OR4D10: variants seen among roughly 807,000 people sequenced by gnomAD.
The protein encoded by OR4D10 is olfactory receptor 4D10.
For missense variants in OR4D10, 395 were observed against 378.0 expected (o/e 1.04, Z -0.37); for synonymous variants, 188 against 153.2 (o/e 1.23, Z -1.68).
chr11:59,475,552 GTTTAT>G (rs1858896468), intron 2 of OR4D10, among the ~76,000 whole-genome samples: 1 of 152,168 alleles, frequency 6.6e-6, no homozygotes, highest in Non-Finnish European at 1.5e-5. Context: ...GCACTTACAT[GTTTAT>G]ATTTTCCATC....
In OR4D10 at chr11:59,477,514, C is replaced by A; in HGVS notation, c.85C>A (p.Leu29Ile). The A allele has an allele frequency of 6.2e-7, 1 of 1,613,914 alleles. No individual in the cohort carries two copies. The highest frequency in any genetic ancestry group is 1.1e-5 in the South Asian group (1 of 91,010). ...QNREVSLVLF[L>I]FLLLVYVTTL... is the part of the protein sequence containing the mutation. ...TCGGGAAGTGAGCTTAGTCTTATTT[C>A]TTTTCCTACTCTTGGTGTATGTGAC... is the stretch of plus-strand genomic sequence containing the variant. Residue 29 changes from leucine (L) to isoleucine (I), a missense_variant, in exon 3 of 3, where the codon CTT becomes ATT. Transcript: ENST00000530162.
chr11:59,478,244 C>A lies in OR4D10; in HGVS notation c.815C>A (p.Ser272Tyr). Residue 272 changes from serine to tyrosine, a missense_variant, in exon 3 of 3, where the codon TCT (serine) becomes TAT (tyrosine). Coordinates refer to ENST00000530162, the MANE Select transcript of OR4D10 (RefSeq NM_001004705.2). ...FTALPMDKAI[S>Y]VTFTVISPLL... The stretch of plus-strand genomic sequence containing the variant: ...GCCCTCCCCATGGATAAGGCCATCT[C>A]TGTCACCTTCACTGTCATCTCCCCT... 6.2e-7 allele frequency: 1 copy of A among 1,614,056 alleles called. No individual in the cohort carries two copies. The highest frequency in any genetic ancestry group is 8.5e-7 in the Non-Finnish European group (1 of 1,180,012).
intron 2 of OR4D10, among the ~76,000 whole-genome samples, chr11:59,474,894 A>C (rs1403102565): frequency 2.3e-5 from 1 of 43,254 alleles, no homozygotes; most frequent in African/African-American, 4.1e-5. Flanking sequence ...GTCTCTACTA[A>C]AAATACAAAA....
intron 2 of OR4D10, among the ~76,000 whole-genome samples, chr11:59,474,859 A>G (rs547811038): frequency 1.9e-3 from 285 of 151,114 alleles, no homozygotes; most frequent in Admixed American, 3.0e-3. Context: ...GATCGAGACC[A>G]TCCTGGCTAA....
In OR4D10 at chr11:59,477,587, C is replaced by T. The variant is rs1486657107; in HGVS notation, c.158C>T (p.Ser53Phe). The T allele has an allele frequency of 3.7e-6, 6 of 1,614,008 alleles. No individual in the cohort carries two copies. The highest frequency in any genetic ancestry group is 1.3e-5 in the African/African-American group (1 of 74,908). The change falls in exon 3 of 3, where the codon TCT (serine) becomes TTT (phenylalanine). Residue 53 changes from serine (S) to phenylalanine (F), a missense_variant. Transcript: ENST00000530162. Reference sequence around the variant, plus strand: ...ATCATGGTCACTGTTACCTGTGAATCTCGCCTTCACACGCCCATGTATTTT... The same window carrying T: ...ATCATGGTCACTGTTACCTGTGAATTTCGCCTTCACACGCCCATGTATTTT... ...LLIMVTVTCE[S>F]RLHTPMYFLL...
Position 59,477,428 on chromosome 11 carries a change from G to T in OR4D10, c.-2G>T, listed in dbSNP as rs1157182475. On this transcript the variant is annotated 5_prime_UTR_variant, in exon 3 of 3. The change abolishes the stop of an existing upstream ORF in the 5' untranslated region. Coordinates refer to ENST00000530162, the MANE Select transcript of OR4D10 (RefSeq NM_001004705.2). ...ACCAAAGAGAATAAAGAGGATGATT[G>T]AATGGAGATGGAAAACTGCACCAGG... 2 of 1,548,946 alleles carry T rather than the reference G, an allele frequency of 1.3e-6. No individual in the cohort carries two copies. Among genetic ancestry groups the T allele is most frequent in the African/African-American group, 2.8e-5 (2 of 72,670 alleles).
Position 59,477,831 on chromosome 11 carries a change from T to A in OR4D10, c.402T>A (p.Thr134=). The A allele has an allele frequency of 6.2e-7, 1 of 1,614,132 alleles. No homozygotes were observed. Among genetic ancestry groups the A allele is most frequent in the Non-Finnish European group, 8.5e-7 (1 of 1,180,012 alleles). Residue 134 remains threonine (T), a synonymous_variant, in exon 3 of 3, where the codon ACT becomes ACA. Coordinates refer to ENST00000530162, the MANE Select transcript of OR4D10 (RefSeq NM_001004705.2). ...VAISKPLHYA[T]IMSRDHCIGL... is the part of the protein sequence containing the mutation. ...TCTCCAAGCCCCTGCACTATGCGAC[T>A]ATCATGAGTAGAGACCATTGCATTG...
rs746612717 is a variant in OR4D10 at position 59,477,546 on chromosome 11, G to C, written c.117G>C (p.Leu39Phe). The C allele has an allele frequency of 1.2e-6, 2 of 1,613,954 alleles. No individual in the cohort carries two copies. Among genetic ancestry groups the C allele is most frequent in the African/African-American group, 1.3e-5 (1 of 74,924 alleles). Reference protein sequence around the residue: ...LFLLLVYVTTLLGNLLIMVTV... With the variant: ...LFLLLVYVTTFLGNLLIMVTV... ...TACTCTTGGTGTATGTGACAACTTT[G>C]CTGGGAAACCTCCTCATCATGGTCA... The change falls in exon 3 of 3, where the codon TTG becomes TTC. Residue 39 changes from leucine (L) to phenylalanine (F), a missense_variant. Physicochemically the swap from Leu to Phe is conservative, Grantham distance 22. Transcript: ENST00000530162.
In OR4D10 at chr11:59,477,941, C is replaced by A. The variant is rs753106840; in HGVS notation, c.512C>A (p.Pro171His). The A allele has an allele frequency of 5.6e-6, 9 of 1,614,116 alleles. No homozygotes were observed. In the Admixed American group the frequency reaches 1.5e-4, roughly 27 times the overall value. The change falls in exon 3 of 3, where the codon CCC becomes CAC. Residue 171 changes from proline to histidine, a missense_variant. Transcript: ENST00000530162. Reference protein sequence around the residue: ...SLLLPLPFCGPNVLDTFYCDV... With the variant: ...SLLLPLPFCGHNVLDTFYCDV... ...TTGCTCCCACTCCCTTTCTGCGGAC[C>A]CAATGTTCTTGACACTTTCTACTGT...
rs752830294 is a variant in OR4D10 at position 59,478,219 on chromosome 11, G to A, written c.790G>A (p.Ala264Thr). ...CIYVYARPFT[A>T]LPMDKAISVT... is the part of the protein sequence containing the mutation. ...CTATGTCTATGCCCGGCCCTTCACT[G>A]CCCTCCCCATGGATAAGGCCATCTC... is the stretch of plus-strand genomic sequence containing the variant. Residue 264 changes from alanine to threonine, a missense_variant, in exon 3 of 3, where the codon GCC becomes ACC. By Grantham distance (58) the Ala-to-Thr change is moderately conservative. Coordinates refer to ENST00000530162, the MANE Select transcript of OR4D10 (RefSeq NM_001004705.2). 10 of 1,613,622 alleles carry A rather than the reference G, an allele frequency of 6.2e-6. 1 individual carries two copies. The highest frequency in any genetic ancestry group is 8.5e-6 in the Non-Finnish European group (10 of 1,179,926).
chr11:59,474,924 G>A (rs920405146), intron 2 of OR4D10, among the ~76,000 whole-genome samples: 4 of 151,724 alleles, frequency 2.6e-5, no homozygotes, highest in African/African-American at 9.7e-5. Context: ...AGCCGGGCGT[G>A]GTGGCGTTCA....
chr11:59,476,047 G>A (rs920102405), intron 2 of OR4D10, among the ~76,000 whole-genome samples: 16 of 152,196 alleles, frequency 1.1e-4, no homozygotes, highest in African/African-American at 3.6e-4. Context: ...TTCAGTTCCA[G>A]CACTTACTAC....
At chr11:59,476,307 A>G (rs1699707933) in intron 2 of OR4D10, among the ~76,000 whole-genome samples, 1 of 152,216 alleles carries the variant, frequency 6.6e-6, no homozygotes, top group Admixed American at 6.5e-5. Context: ...AAAACAGGAC[A>G]GGAGGTTAGA....
In OR4D10 at chr11:59,478,574, TC is replaced by T. The variant is rs755987443; in HGVS notation, c.*210del. On this transcript the variant is annotated 3_prime_UTR_variant, in exon 3 of 3. Transcript: ENST00000530162. ...TTGAAAATAAACCAGAGCTCCCTCC[TC>T]TTTACCACCAAGATTTTGTTTCATG... is the stretch of plus-strand genomic sequence containing the variant. The T allele has an allele frequency of 1.8e-4, 70 of 399,364 alleles. No homozygotes were observed. The highest frequency in any genetic ancestry group is 1.3e-3 in the African/African-American group (63 of 48,566). The allele number at this position is 399,364 out of a possible 1,614,324, so 24.7% of individuals were successfully genotyped here.
At chr11:59,473,857 T>G (rs949555044) in intron 2 of OR4D10, 64 bp downstream of exon 2, 2 of 152,112 alleles carry the variant, frequency 1.3e-5, no homozygotes, top group Admixed American at 6.5e-5. Context: ...TGTGATCCAT[T>G]TGGTGTGAGA....
chr11:59,478,230 G>A lies in OR4D10; in HGVS notation c.801G>A (p.Met267Ile), dbSNP rs1290010176. 6.2e-7 allele frequency: 1 copy of A among 1,613,766 alleles called. No homozygotes were observed. Among genetic ancestry groups the A allele is most frequent in the Non-Finnish European group, 8.5e-7 (1 of 1,179,952 alleles). The part of the protein sequence containing the change: ...VYARPFTALP[M>I]DKAISVTFTV... ...CCCGGCCCTTCACTGCCCTCCCCAT[G>A]GATAAGGCCATCTCTGTCACCTTCA... The change falls in exon 3 of 3, where the codon ATG (methionine) becomes ATA (isoleucine). Residue 267 changes from methionine to isoleucine, a missense_variant. Coordinates refer to ENST00000530162, the MANE Select transcript of OR4D10 (RefSeq NM_001004705.2).
rs1858934799 is a variant in OR4D10 at position 59,478,338 on chromosome 11, A to G, written c.909A>G (p.Arg303=). The G allele has an allele frequency of 3.7e-6, 6 of 1,607,690 alleles. No homozygotes were observed. Among genetic ancestry groups the G allele is most frequent in the Non-Finnish European group, 5.1e-6 (6 of 1,176,850 alleles). Residue 303 remains arginine, a synonymous_variant, in exon 3 of 3, where the codon AGA becomes AGG. Coordinates refer to ENST00000530162, the MANE Select transcript of OR4D10 (RefSeq NM_001004705.2). ...AGTCAGCCATGAGGAGACTGAAGAG[A>G]AGACTTGTGCCTTCTGATAGAAAAT... ...EMKSAMRRLK[R]RLVPSDRK
Position 59,477,580 on chromosome 11 carries a change from T to A in OR4D10, c.151T>A (p.Cys51Ser). ...CCTCCTCATCATGGTCACTGTTACC[T>A]GTGAATCTCGCCTTCACACGCCCAT... ...GNLLIMVTVT[C>S]ESRLHTPMYF... The change falls in exon 3 of 3, where the codon TGT becomes AGT. Residue 51 changes from cysteine (C) to serine (S), a missense_variant. Cys to Ser is a moderately radical substitution (Grantham distance 112). Transcript: ENST00000530162. The A allele has an allele frequency of 6.2e-7, 1 of 1,614,242 alleles. No individual in the cohort carries two copies.
chr11:59,476,854 A>AT (rs1416558172), intron 2 of OR4D10, among the ~76,000 whole-genome samples: 2 of 152,112 alleles, frequency 1.3e-5, no homozygotes, highest in Non-Finnish European at 2.9e-5. Flanking sequence ...GGAAAAAAAA[A>AT]TCACCTTTCA....
Sources: gnomAD v4.1 joint callset for allele counts (sites outside exome capture counted in the v4.1 genomes callset) on GRCh38, gnomAD v4.1.1 for gene constraint, MANE v1.5 for transcripts, NCBI Gene and HGNC (gene_info 2026-07-23, HGNC 2026-07-21) for gene names.